EXOC4: variants seen among roughly 807,000 people sequenced by gnomAD.
EXOC4 encodes the protein SEC8-like 1.
A neutral mutation model predicts 107.2 loss-of-function variants in EXOC4; 71 were observed. The ratio of observed to expected loss-of-function variants is 0.66; its 90% confidence interval spans 0.55 to 0.81. The LOEUF (loss-of-function observed/expected upper bound fraction) is 0.81, where lower values mean the gene tolerates loss of function less well. EXOC4 is among the 30% of genes least tolerant of loss of function. The probability of loss-of-function intolerance (pLI) is 0.00; values close to 1 mark genes in which losing one functional copy is unlikely to be tolerated. For synonymous variants in EXOC4, 456 were observed against 441.2 expected (o/e 1.03, Z -0.42); for missense variants, 1,108 against 1,189.6 (o/e 0.93, Z 1.01).
chr7:133,704,142 G>A (rs994460565), intron 10 of EXOC4, among the ~76,000 whole-genome samples: 19 of 152,124 alleles, frequency 1.2e-4, no homozygotes, highest in African/African-American at 2.9e-4. Flanking sequence ...AAATAGTGAC[G>A]AGAACTTGCC....
intron 5 of EXOC4, among the ~76,000 whole-genome samples, chr7:133,327,681 TCATTTTGTTATTTA>T (rs1419726780): frequency 2.6e-5 from 4 of 152,188 alleles, no homozygotes; most frequent in African/African-American, 9.7e-5. Flanking sequence ...ATTTCTGCCT[TCATTTTGTTATTTA>T]CCCAGTAGTT....
intron 11 of EXOC4, among the ~76,000 whole-genome samples, chr7:133,819,844 A>G (rs1797468291): frequency 1.2e-5 from 1 of 86,796 alleles, no homozygotes; most frequent in Admixed American, 8.6e-5. Context: ...AGTAGCAAAG[A>G]TGCATTAAAA....
chr7:133,885,736 G>A (rs1799071486), intron 11 of EXOC4, among the ~76,000 whole-genome samples: 1 of 152,168 alleles, frequency 6.6e-6, no homozygotes, highest in Non-Finnish European at 1.5e-5. Flanking sequence ...AAGATGAGGA[G>A]GCACAAAGGC....
In EXOC4 at chr7:133,608,548, T is replaced by TTC. The variant is rs1802004222; in HGVS notation, c.1418-21496_1418-21495insCT. Among the ~76,000 whole-genome samples, 4 of 126,794 alleles carry TTC rather than the reference T, an allele frequency of 3.2e-5. No homozygotes were observed. In the South Asian group the frequency reaches 9.9e-4, roughly 31 times the overall value. 83.2% of individuals were successfully genotyped at this position (126,794 alleles called of 152,430 possible). A position where few individuals can be genotyped will look rare whatever the true frequency, so the allele number is the denominator to read the frequency against. Reference sequence around the variant, plus strand: ...TCTGAAGTAAATATGCTGTATTTCTTTTTTTTTTTTTTTTTTTTTTTGGAG... The same window carrying TTC: ...TCTGAAGTAAATATGCTGTATTTCTTTCTTTTTTTTTTTTTTTTTTTTTGGAG... On this transcript the variant is annotated intron_variant, in intron 9 of 17. Coordinates refer to ENST00000253861, the MANE Select transcript of EXOC4 (RefSeq NM_021807.4).
chr7:133,889,429 T>G (rs534469482), intron 11 of EXOC4, among the ~76,000 whole-genome samples: 159 of 151,162 alleles, frequency 1.1e-3, no homozygotes, highest in Non-Finnish European at 2.0e-3. Flanking sequence ...ATTATTATTT[T>G]TTTTAATTAT....
At chr7:134,059,431 T>G (rs1156273772) in intron 17 of EXOC4, among the ~76,000 whole-genome samples, 1 of 152,056 alleles carries the variant, frequency 6.6e-6, no homozygotes, top group Non-Finnish European at 1.5e-5. Flanking sequence ...TATCAACAAT[T>G]CATTTATACA....
intron 9 of EXOC4, among the ~76,000 whole-genome samples, chr7:133,522,874 G>C (rs1800005871): frequency 6.6e-6 from 1 of 152,080 alleles, no homozygotes; most frequent in Non-Finnish European, 1.5e-5. Context: ...AAGAATCTCT[G>C]ATATGACCAT....
chr7:133,526,495 G>C (rs2150916963), intron 9 of EXOC4, among the ~76,000 whole-genome samples: 1 of 152,252 alleles, frequency 6.6e-6, no homozygotes, highest in African/African-American at 2.4e-5. Context: ...TTTATCCATT[G>C]ATCCTACATT....
chr7:133,591,482 C>G (rs143619894), intron 9 of EXOC4, among the ~76,000 whole-genome samples: 1,887 of 152,048 alleles, frequency 0.012, 40 homozygotes, highest in African/African-American at 0.043. Context: ...TATTTTGATA[C>G]AAAAATGTTT....
intron 10 of EXOC4, among the ~76,000 whole-genome samples, chr7:133,781,579 C>A (rs1258779176): frequency 2.6e-5 from 4 of 152,210 alleles, no homozygotes; most frequent in Non-Finnish European, 5.9e-5. Flanking sequence ...CTTAGTAATT[C>A]TGTCAGTGTC....
chr7:133,342,570 C>T (rs975795404), intron 5 of EXOC4, among the ~76,000 whole-genome samples: 1 of 152,178 alleles, frequency 6.6e-6, no homozygotes, highest in African/African-American at 2.4e-5. Flanking sequence ...GTCTAGATCT[C>T]TAGCAAGGCC....
chr7:133,935,247 G>A (rs1446262710), intron 13 of EXOC4, among the ~76,000 whole-genome samples: 16 of 152,054 alleles, frequency 1.1e-4, no homozygotes, highest in Non-Finnish European at 1.5e-5. Flanking sequence ...AAGAGAGAAG[G>A]CAAAAGAGTC....
chr7:133,661,946 A>G (rs1793699096), intron 10 of EXOC4, among the ~76,000 whole-genome samples: 1 of 152,126 alleles, frequency 6.6e-6, no homozygotes. Context: ...GGGAGCCATA[A>G]TAATAGCCAG....
rs192034155 is a variant in EXOC4, at chr7:133,327,568, G to A, written c.763+10178G>A. On this transcript the variant is annotated intron_variant, in intron 5 of 17. Coordinates refer to ENST00000253861, the MANE Select transcript of EXOC4 (RefSeq NM_021807.4). ...TAGATCTTTCCTGCTTTCTCTTGTG[G>A]GCATTTAGTGCTATAAATTTCCCTC... is the stretch of plus-strand genomic sequence containing the variant. Among the ~76,000 whole-genome samples the A allele has an allele frequency of 6.6e-5, 10 of 152,048 alleles. 1 individual carries two copies. In the East Asian group the frequency reaches 1.7e-3, roughly 26 times the overall value.
intron 9 of EXOC4, among the ~76,000 whole-genome samples, chr7:133,511,923 C>T (rs181977151): frequency 2.6e-4 from 39 of 152,322 alleles, no homozygotes; most frequent in African/African-American, 8.9e-4. Context: ...CTCTCCCCGC[C>T]CTTCTCATTC....
chr7:133,713,300 C>A (rs991195235), intron 10 of EXOC4, among the ~76,000 whole-genome samples: 1 of 152,100 alleles, frequency 6.6e-6, no homozygotes, highest in African/African-American at 2.4e-5. Flanking sequence ...GGAATATGGA[C>A]CATGTTCATT....
intron 9 of EXOC4, among the ~76,000 whole-genome samples, chr7:133,596,573 T>C (rs147973803): frequency 6.6e-6 from 1 of 152,302 alleles, no homozygotes; most frequent in East Asian, 1.9e-4. Context: ...ATAATGTGGC[T>C]CCCCCATAAG....
chr7:134,073,525 T>G, the EXOC4 span, among the ~76,000 whole-genome samples: 64 of 152,184 alleles, frequency 4.2e-4, 1 homozygote, highest in South Asian at 0.013. Context: ...GGACCAGACC[T>G]TCACAGACGT....
intron 5 of EXOC4, among the ~76,000 whole-genome samples, chr7:133,341,452 A>C (rs1298387260): frequency 6.6e-6 from 1 of 152,204 alleles, no homozygotes; most frequent in Non-Finnish European, 1.5e-5. Flanking sequence ...GTGGCCTATC[A>C]TAAGGTCTGT....
Sources: allele counts gnomAD v4.1 joint callset (sites outside exome capture counted in the v4.1 genomes callset), GRCh38; gene constraint gnomAD v4.1.1; transcripts MANE v1.5; gene names NCBI Gene and HGNC (gene_info 2026-07-23, HGNC 2026-07-21).